Variants in LRRC4C observed in about 807,000 individuals in gnomAD.
LRRC4C encodes the protein leucine rich repeat containing 4C.
LRRC4C carries 5 observed loss-of-function variants against 33.6 expected under a neutral mutation model. The observed-to-expected ratio is 0.15, with a 90% CI of 0.08 to 0.31. The LOEUF is 0.31. LRRC4C is among the 10% of genes least tolerant of loss of function. The probability of loss-of-function intolerance (pLI) is 1.00; values close to 1 mark genes in which losing one functional copy is unlikely to be tolerated. For synonymous variants in LRRC4C, 329 were observed against 302.0 expected (o/e 1.09, Z -0.93); for missense variants, 560 against 796.7 (o/e 0.70, Z 3.58).
rs1346979368 is a variant in LRRC4C, at chr11:40,330,100, C to T, written c.-269-10379G>A. On this transcript the variant is annotated intron_variant, in intron 3 of 6. Coordinates refer to ENST00000528697, the MANE Select transcript of LRRC4C (RefSeq NM_001258419.2). ...TCAGAATCCAATGAGTCATACCAGT[C>T]GGGTGTTAAATTAATGACGAAGAGG... Among the ~76,000 whole-genome samples, 5 of 152,108 alleles carry T rather than the reference C, an allele frequency of 3.3e-5. 1 individual carries two copies. Among genetic ancestry groups the T allele is most frequent in the East Asian group, 1.9e-4 (1 of 5,164 alleles).
chr11:40,543,706 AG>A (rs1311923146), intron 3 of LRRC4C, among the ~76,000 whole-genome samples: 2 of 152,128 alleles, frequency 1.3e-5, no homozygotes, highest in Non-Finnish European at 2.9e-5. Flanking sequence ...AGTATAAGCA[AG>A]GGAGAAAAGT....
chr11:41,209,584 G>C (rs1457225706), intron 1 of LRRC4C, among the ~76,000 whole-genome samples: 1 of 151,436 alleles, frequency 6.6e-6, no homozygotes, highest in Non-Finnish European at 1.5e-5. Flanking sequence ...GGCTGAGGTT[G>C]CAGTGAGCTG....
chr11:41,264,174 C>T (rs568708998), intron 1 of LRRC4C, among the ~76,000 whole-genome samples: 1 of 151,500 alleles, frequency 6.6e-6, no homozygotes, highest in African/African-American at 2.4e-5. Context: ...TCACTGCAAC[C>T]TCCGCCTCCT....
chr11:41,447,614 T>C (rs1168380022), intron 1 of LRRC4C, among the ~76,000 whole-genome samples: 1 of 152,188 alleles, frequency 6.6e-6, no homozygotes, highest in East Asian at 1.9e-4. Context: ...AAAAGTACCG[T>C]AACTGACAAG....
chr11:40,447,535 T>C (rs2138038773), intron 3 of LRRC4C, among the ~76,000 whole-genome samples: 1 of 152,318 alleles, frequency 6.6e-6, no homozygotes, highest in Non-Finnish European at 1.5e-5. Flanking sequence ...TTTTTGTTTG[T>C]ATTTTATTAA....
chr11:40,733,232 C>T (rs1181738735), intron 2 of LRRC4C, among the ~76,000 whole-genome samples: 2 of 151,582 alleles, frequency 1.3e-5, no homozygotes, highest in South Asian at 2.1e-4. Context: ...CCTGCCACCA[C>T]ACCCGGCTAA....
chr11:40,478,896 AGT>A (rs1427045732), intron 3 of LRRC4C, among the ~76,000 whole-genome samples: 1 of 152,196 alleles, frequency 6.6e-6, no homozygotes, highest in Non-Finnish European at 1.5e-5. Context: ...GCTTTGGAAA[AGT>A]GTATGCCATT....
At chr11:40,627,279 G>GAGAC (rs1963042870) in intron 3 of LRRC4C, among the ~76,000 whole-genome samples, 3 of 151,688 alleles carry the variant, frequency 2.0e-5, no homozygotes, top group African/African-American at 7.3e-5. Flanking sequence ...GAGAGAGCGA[G>GAGAC]AGAGAGAGAG....
chr11:41,052,556 T>C (rs559081918), intron 1 of LRRC4C, among the ~76,000 whole-genome samples: 1 of 152,064 alleles, frequency 6.6e-6, no homozygotes, highest in South Asian at 2.1e-4. Context: ...ATTTAAGTAG[T>C]AAATCTAGTT....
chr11:40,946,453 T>G (rs1335859051), intron 1 of LRRC4C, among the ~76,000 whole-genome samples: 1 of 152,162 alleles, frequency 6.6e-6, no homozygotes, highest in Non-Finnish European at 1.5e-5. Context: ...ATATACCCAG[T>G]AATGGGATTG....
chr11:41,041,084 T>C (rs1205831289), intron 1 of LRRC4C, among the ~76,000 whole-genome samples: 1 of 152,190 alleles, frequency 6.6e-6, no homozygotes, highest in Non-Finnish European at 1.5e-5. Flanking sequence ...TAATTTTAAC[T>C]ATGTTTTTAA....
At chr11:40,845,468 A>C (rs1253311440) in intron 2 of LRRC4C, among the ~76,000 whole-genome samples, 1 of 152,148 alleles carries the variant, frequency 6.6e-6, no homozygotes, top group African/African-American at 2.4e-5. Context: ...GCTGAGGACA[A>C]TGGTTTCCAG....
At chr11:40,919,334 T>A (rs1334104586) in intron 2 of LRRC4C, among the ~76,000 whole-genome samples, 1 of 152,192 alleles carries the variant, frequency 6.6e-6, no homozygotes, top group African/African-American at 2.4e-5. Context: ...TTTTTAAGCC[T>A]CACTTTCTTC....
At chr11:40,403,764 G>C (rs748995611) in intron 3 of LRRC4C, among the ~76,000 whole-genome samples, 16 of 152,042 alleles carry the variant, frequency 1.1e-4, no homozygotes, top group Non-Finnish European at 1.9e-4. Flanking sequence ...AAATCTCAGA[G>C]AGAAAAAGAA....
At chr11:41,006,165 A>T (rs1305254782) in intron 1 of LRRC4C, among the ~76,000 whole-genome samples, 1 of 152,230 alleles carries the variant, frequency 6.6e-6, no homozygotes, top group African/African-American at 2.4e-5. Context: ...TTATGCATCC[A>T]TGAAAGCTAT....
At chr11:41,035,316 A>G (rs1856998830) in intron 1 of LRRC4C, among the ~76,000 whole-genome samples, 1 of 152,080 alleles carries the variant, frequency 6.6e-6, no homozygotes, top group Non-Finnish European at 1.5e-5. Context: ...CTCTCAACCC[A>G]TCACCTAGGT....
rs371001251 is a variant in LRRC4C at position 41,004,021 on chromosome 11, G to A, written c.-495-70298C>T. ...GTCAAGGACAAAGAGAAGACAAAAC[G>A]GCCCAGTGGATAGAAAACAGGAAGT... On this transcript the variant is annotated intron_variant, in intron 1 of 6. Coordinates refer to ENST00000528697, the MANE Select transcript of LRRC4C (RefSeq NM_001258419.2). Among the ~76,000 whole-genome samples the A allele has an allele frequency of 9.8e-4, 149 of 152,086 alleles. 4 individuals carry two copies. In the South Asian group the frequency reaches 0.031, roughly 31 times the overall value.
chr11:40,298,490 C>A (rs1415548034), intron 4 of LRRC4C, among the ~76,000 whole-genome samples: 2 of 150,546 alleles, frequency 1.3e-5, no homozygotes, highest in African/African-American at 2.5e-5. Flanking sequence ...TATTTCTTGG[C>A]AATGGCAGAA....
At chr11:41,394,574 TC>T (rs1953732322) in intron 1 of LRRC4C, 1 of 151,922 alleles carries the variant, frequency 6.6e-6, no homozygotes, top group South Asian at 2.1e-4. Flanking sequence ...GATGATTTGA[TC>T]CTTGTGGTAA....
Sources: allele counts gnomAD v4.1 joint callset (sites outside exome capture counted in the v4.1 genomes callset), GRCh38; gene constraint gnomAD v4.1.1; transcripts MANE v1.5; gene names NCBI Gene and HGNC (gene_info 2026-07-23, HGNC 2026-07-21).